NDRG4: variants seen among roughly 807,000 people sequenced by gnomAD.
NDRG4 encodes the protein NDRG family member 4, also known as protein NDRG4.
NDRG4 carries 38 observed loss-of-function variants against 55.8 expected under a neutral mutation model. The observed-to-expected ratio is 0.68, with a 90% confidence interval of 0.53 to 0.89. The LOEUF is 0.89. Among genes scored for constraint, NDRG4 ranks in the 40% least tolerant of loss-of-function variants. The probability of loss-of-function intolerance (pLI) is 0.00; values close to 1 mark genes in which losing one functional copy is unlikely to be tolerated. For synonymous variants in NDRG4, 190 were observed against 182.7 expected, an observed-to-expected ratio of 1.04 and a Z score of -0.32; for missense variants, 455 against 468.6, an observed-to-expected ratio of 0.97 and a Z score of 0.27.
chr16:58,505,253 G>A (rs1485162981), intron 5 of NDRG4, among the ~76,000 whole-genome samples: 1 of 151,892 alleles, frequency 6.6e-6, no homozygotes, highest in Non-Finnish European at 1.5e-5. Flanking sequence ...GGAGGCTGAG[G>A]CAGGAGAAAG....
At chr16:58,491,459 T>A (rs1357689510) in intron 2 of NDRG4, among the ~76,000 whole-genome samples, 1 of 151,390 alleles carries the variant, frequency 6.6e-6, no homozygotes, top group Non-Finnish European at 1.5e-5. Flanking sequence ...TTTTCACTTT[T>A]TTTTTTTTCA....
At chr16:58,490,175 TCTC>T (rs1419558889) in intron 2 of NDRG4, among the ~76,000 whole-genome samples, 1 of 152,172 alleles carries the variant, frequency 6.6e-6, no homozygotes, top group Non-Finnish European at 1.5e-5. Context: ...AAAGCAGAGT[TCTC>T]CTGTGAGGTT....
intron 2 of NDRG4, among the ~76,000 whole-genome samples, chr16:58,492,414 C>A (rs1042547489): frequency 2.0e-5 from 3 of 152,050 alleles, no homozygotes; most frequent in African/African-American, 7.3e-5. Context: ...GAGTCCTTCC[C>A]CTCCCACACC....
At position 58,509,341 on chromosome 16, in the gene NDRG4, G is replaced by C; in HGVS notation, c.854G>C (p.Gly285Ala). ...GAAGCCTTCAAATACTTCCTGCAAGGCATGGGCTACAGTGAGTACATTTCC... is the reference window on the plus strand; with the variant it reads ...GAAGCCTTCAAATACTTCCTGCAAGCCATGGGCTACAGTGAGTACATTTCC... ...LTEAFKYFLQ[G>A]MGYIAYLKDR... Residue 285 changes from glycine (G) to alanine (A), a missense_variant, in exon 13 of 15, where the codon GGC becomes GCC. Transcript: ENST00000570248. The C allele has an allele frequency of 6.2e-7, 1 of 1,613,836 alleles. No homozygotes were observed.
intron 2 of NDRG4, among the ~76,000 whole-genome samples, chr16:58,490,870 G>A (rs535770236): frequency 6.7e-4 from 102 of 152,192 alleles, no homozygotes; most frequent in Non-Finnish European, 1.3e-3. Flanking sequence ...CCAGCTATTC[G>A]GGAGGCTGAA....
rs553345532 is a variant in NDRG4 at position 58,512,084 on chromosome 16, G to A, written c.*508G>A. The A allele has an allele frequency of 6.8e-5, 31 of 456,808 alleles. No homozygotes were observed. The highest frequency in any genetic ancestry group is 6.1e-4 in the Admixed American group (26 of 42,578). The allele number at this position is 456,808 out of a possible 1,614,324, so 28.3% of individuals were successfully genotyped here. ...TCATCTGGACAACAGCCACAAGGGG[G>A]CGCTCGGACCAGGCAGCCACTTTCC... is the stretch of plus-strand genomic sequence containing the variant. On this transcript the variant is annotated 3_prime_UTR_variant, in exon 15 of 15. Transcript: ENST00000570248.
chr16:58,463,968 C>T (rs2031041752), intron 1 of NDRG4: 2 of 154,458 alleles, frequency 1.3e-5, no homozygotes, highest in South Asian at 3.9e-4. Context: ...ATTTCGCCTC[C>T]GCGGGGGCGG....
intron 5 of NDRG4, chr16:58,506,045 A>C (rs953981146): frequency 2.4e-6 from 1 of 421,296 alleles, no homozygotes; most frequent in East Asian, 5.9e-5. Flanking sequence ...CTATAAAAGC[A>C]AAAAAACAAC....
intron 2 of NDRG4, among the ~76,000 whole-genome samples, chr16:58,489,151 T>G (rs144531346): frequency 6.6e-6 from 1 of 151,938 alleles, no homozygotes; most frequent in East Asian, 1.9e-4. Context: ...ATACAAAAAT[T>G]AGCCCGGGCG....
chr16:58,511,314 G>A, intron 14 of NDRG4, 108 bp from the exon 15 acceptor site: 2 of 1,295,994 alleles, frequency 1.5e-6, no homozygotes, highest in Admixed American at 4.4e-5. Context: ...AGCCCTTTGT[G>A]CCTTCGAGGA....
chr16:58,498,282 G>A (rs1367463724), upstream of NDRG4, among the ~76,000 whole-genome samples: 1 of 152,104 alleles, frequency 6.6e-6, no homozygotes, highest in Non-Finnish European at 1.5e-5. Context: ...AGGAGGTGAC[G>A]GGCCAGGGGG....
chr16:58,513,851 G>A (rs1236034083), downstream of NDRG4, among the ~76,000 whole-genome samples: 4 of 152,160 alleles, frequency 2.6e-5, no homozygotes, highest in Admixed American at 6.5e-5. Flanking sequence ...CCAGCTACTC[G>A]GGAGGCTGAG....
intron 1 of NDRG4, among the ~76,000 whole-genome samples, chr16:58,486,739 A>T (rs1364665125): frequency 7.2e-6 from 1 of 139,770 alleles, no homozygotes; most frequent in Non-Finnish European, 1.6e-5. Flanking sequence ...ACACACACAC[A>T]CACACACACA....
At chr16:58,514,766 GGAA>G (rs869051481), downstream of NDRG4, among the ~76,000 whole-genome samples, 96 of 52,280 alleles carry the variant, frequency 1.8e-3, no homozygotes, top group African/African-American at 7.3e-3. Flanking sequence ...AAAAAAAAAA[GGAA>G]AAAAAAAAAA....
chr16:58,485,653 G>A (rs2035004131), intron 1 of NDRG4, among the ~76,000 whole-genome samples: 1 of 152,156 alleles, frequency 6.6e-6, no homozygotes, highest in African/African-American at 2.4e-5. Context: ...GGATGGAAAT[G>A]GGAGCGGGAG....
intron 1 of NDRG4, among the ~76,000 whole-genome samples, chr16:58,483,354 T>C (rs1298023156): frequency 6.6e-6 from 1 of 151,610 alleles, no homozygotes; most frequent in African/African-American, 2.4e-5. Context: ...AGCTGAGTGC[T>C]CCTGTTTGCC....
Position 58,506,088 on chromosome 16 carries a change from T to C in NDRG4, c.373-299T>C. The C allele has an allele frequency of 5.3e-6, 3 of 564,650 alleles. No homozygotes were observed. In the South Asian group the frequency reaches 5.4e-5, roughly 10 times the overall value. The allele number at this position is 564,650 out of a possible 1,614,324, so 35.0% of individuals were successfully genotyped here. A position where few individuals can be genotyped will look rare whatever the true frequency, so the allele number is the denominator to read the frequency against. On this transcript the variant is annotated intron_variant, in intron 5 of 14. Transcript: ENST00000570248. Reference sequence around the variant, plus strand: ...AGATTTTAAGATGTTTAATACTCAATTTTGCACTTCAAAAATATATTAAGA... The same window carrying C: ...AGATTTTAAGATGTTTAATACTCAACTTTGCACTTCAAAAATATATTAAGA...
intron 1 of NDRG4, among the ~76,000 whole-genome samples, chr16:58,480,107 C>G (rs1405997455): frequency 6.6e-6 from 1 of 151,968 alleles, no homozygotes; most frequent in Non-Finnish European, 1.5e-5. Context: ...CTGCATCTGC[C>G]CCTCCGATTT....
intron 1 of NDRG4, among the ~76,000 whole-genome samples, chr16:58,486,976 G>C (rs897302056): frequency 7.2e-5 from 10 of 139,280 alleles, no homozygotes; most frequent in African/African-American, 1.1e-4. Flanking sequence ...TCTTCACAGA[G>C]GCTTGTCCTG....
Sources: gnomAD v4.1 joint callset for allele counts (sites outside exome capture counted in the v4.1 genomes callset) on GRCh38, gnomAD v4.1.1 for gene constraint, MANE v1.5 for transcripts, NCBI Gene and HGNC (gene_info 2026-07-23, HGNC 2026-07-21) for gene names.